Variants in TRRAP observed in about 807,000 individuals in gnomAD.
TRRAP encodes transformation/transcription domain-associated protein.
In TRRAP, 41 loss-of-function variants were observed where a neutral mutation model predicts 438.8. The observed-to-expected ratio is 0.09, with a 90% CI of 0.07 to 0.12. The LOEUF is 0.12. TRRAP is among the 10% of genes least tolerant of loss of function. The pLI, the probability that TRRAP is intolerant of heterozygous loss-of-function variation, is 1.00. For synonymous variants in TRRAP, 1,994 were observed against 1,962.9 expected, an observed-to-expected ratio of 1.02 and a Z score of -0.42; for missense variants, 3,122 against 5,055.1, an observed-to-expected ratio of 0.62 and a Z score of 11.60.
chr7:98,994,833 G>A lies in TRRAP; in HGVS notation c.10294G>A (p.Gly3432Ser). 1 of 1,612,682 alleles carries A rather than the reference G, an allele frequency of 6.2e-7. No individual in the cohort carries two copies. ...AQDPVFQKLK[G>S]QFTTDFDFSV... ...AGACCCTGTCTTTCAGAAGCTGAAA[G>A]GCCAGTTCACGACGGGTGAGTCTCC... The change falls in exon 67 of 73, where the codon GGC becomes AGC. Residue 3432 changes from glycine (G) to serine (S), a missense_variant. This residue lies in a region of TRRAP where 107 missense variants were observed against 327.5 expected (regional missense o/e 0.33). Coordinates refer to ENST00000456197, the MANE Select transcript of TRRAP (RefSeq NM_001375524.1). The surrounding 1 kb of genome is among the most constrained non-coding windows in gnomAD (Gnocchi z 4.8).
chr7:98,988,150 T>A lies in TRRAP; in HGVS notation c.9390-615T>A, dbSNP rs114522476. 9.3e-3 allele frequency among the ~76,000 whole-genome samples: 1,418 copies of A among 152,300 alleles called. 18 individuals carry two copies. Among genetic ancestry groups the A allele is most frequent in the Middle Eastern group, 0.024 (7 of 294 alleles). ...ATCATAAAGCACCTGGGTCTGAAGT[T>A]CCCTTGCTATGTCTGGTACATTGCT... On this transcript the variant is annotated intron_variant, in intron 62 of 72. Coordinates refer to ENST00000456197, the MANE Select transcript of TRRAP (RefSeq NM_001375524.1).
chr7:98,999,516 G>T, intron 67 of TRRAP: 1 of 733,808 alleles, frequency 1.4e-6, no homozygotes, highest in South Asian at 1.5e-5. Flanking sequence ...AGACAATATT[G>T]GGGTGCACCA....
At chr7:98,990,372 G>A (rs1005309661) in intron 63 of TRRAP, 83 bp from the exon 64 acceptor site, 28 of 1,516,302 alleles carry the variant, frequency 1.8e-5, no homozygotes, top group East Asian at 4.5e-5. Flanking sequence ...GCTCTATACA[G>A]TGTTGTAATG....
chr7:98,908,824 G>A lies in TRRAP; in HGVS notation c.1212G>A (p.Lys404=). 1 of 1,612,188 alleles carries A rather than the reference G, an allele frequency of 6.2e-7. No homozygotes were observed. Among genetic ancestry groups the A allele is most frequent in the Non-Finnish European group, 8.5e-7 (1 of 1,179,248 alleles). ...CCCTCGCCGTCCAGCTCTTCGCCAA[G>A]AACATCGACGATGAGTCCCTGCCCA... ...DLSLAVQLFA[K]NIDDESLPSS... Residue 404 remains lysine, a synonymous_variant, in exon 14 of 73, where the codon AAG becomes AAA. Coordinates refer to ENST00000456197, the MANE Select transcript of TRRAP (RefSeq NM_001375524.1). The surrounding 1 kb of genome is among the most constrained non-coding windows in gnomAD (Gnocchi z 4.1).
At chr7:99,004,064 AC>A in intron 67 of TRRAP, 125 bp from the exon 68 acceptor site, 1 of 971,818 alleles carries the variant, frequency 1.0e-6, no homozygotes, top group South Asian at 1.7e-5. Context: ...CAAGAGTGAA[AC>A]TTCATCTCAA....
intron 11 of TRRAP, 98 bp from the exon 12 acceptor site, chr7:98,903,281 C>CA: frequency 6.6e-7 from 1 of 1,513,586 alleles, no homozygotes; most frequent in Non-Finnish European, 8.9e-7. Context: ...CTCGGCCTCC[C>CA]AAAGGTCTTA....
Position 99,008,569 on chromosome 7 carries a change from T to TGGGGC in TRRAP, c.10938+9_10938+13dup. 1 of 1,612,608 alleles carries TGGGGC rather than the reference T, an allele frequency of 6.2e-7. No homozygotes were observed. Among genetic ancestry groups the TGGGGC allele is most frequent in the Non-Finnish European group, 8.5e-7 (1 of 1,179,658 alleles). On this transcript the variant is annotated intron_variant, in intron 70 of 72. Coordinates refer to ENST00000456197, the MANE Select transcript of TRRAP (RefSeq NM_001375524.1). ...ACCCAAGCCAGCCACCAGGTAGCAGTGGGGCCGGGCCGGGGGCCGAGCTGC... is the reference window on the plus strand; with the variant it reads ...ACCCAAGCCAGCCACCAGGTAGCAGTGGGGCGGGGCCGGGCCGGGGGCCGAGCTGC...
chr7:98,954,068 A>G (rs1373429588), intron 40 of TRRAP, among the ~76,000 whole-genome samples: 2 of 152,242 alleles, frequency 1.3e-5, no homozygotes, highest in Non-Finnish European at 2.9e-5. Context: ...GCCAAAGACA[A>G]TAGGTACTTT....
Position 98,994,725 on chromosome 7 carries a change from C to G in TRRAP, c.10186C>G (p.Leu3396Val). The change falls in exon 67 of 73, where the codon CTG becomes GTG. Residue 3396 changes from leucine to valine, a missense_variant. Physicochemically the swap from Leu to Val is conservative, Grantham distance 32. Transcript: ENST00000456197. This position sits in a 1 kb window ranked among gnomAD's most constrained non-coding sequence, Gnocchi z 4.8. Reference sequence around the variant, plus strand: ...GTTGGTGAGCACGTTTGGGGTGGGCCTGGAGAATGTGTCCAACGTCTCGAC... The same window carrying G: ...GTTGGTGAGCACGTTTGGGGTGGGCGTGGAGAATGTGTCCAACGTCTCGAC... Reference protein sequence around the residue: ...KKLVSTFGVGLENVSNVSTMF... With the variant: ...KKLVSTFGVGVENVSNVSTMF... 1 of 1,614,236 alleles carries G rather than the reference C, an allele frequency of 6.2e-7. No homozygotes were observed. Among genetic ancestry groups the G allele is most frequent in the Non-Finnish European group, 8.5e-7 (1 of 1,180,050 alleles).
intron 45 of TRRAP, among the ~76,000 whole-genome samples, chr7:98,960,256 T>C (rs1343976847): frequency 1.3e-5 from 2 of 152,232 alleles, no homozygotes; most frequent in African/African-American, 4.8e-5. Context: ...TTTTGGTGGC[T>C]GTTTTTTTGC....
chr7:98,990,705 G>A (rs941003084), intron 64 of TRRAP, 86 bp downstream of exon 64: 1 of 1,465,980 alleles, frequency 6.8e-7, no homozygotes, highest in Admixed American at 2.2e-5. Flanking sequence ...AAGTAAATTT[G>A]AGTGTTCAAA....
At chr7:99,000,817 C>T (rs1201704996) in intron 67 of TRRAP, among the ~76,000 whole-genome samples, 1 of 152,222 alleles carries the variant, frequency 6.6e-6, no homozygotes, top group Non-Finnish European at 1.5e-5. Flanking sequence ...GGCACCCTGT[C>T]TCGAGTTTGG....
intron 30 of TRRAP, 115 bp from the exon 31 acceptor site, chr7:98,942,828 AATAATG>A: frequency 1.9e-6 from 2 of 1,049,582 alleles, no homozygotes; most frequent in Non-Finnish European, 2.8e-6. Context: ...GCGCTGTTTT[AATAATG>A]GAAACACTGC....
intron 30 of TRRAP, among the ~76,000 whole-genome samples, chr7:98,941,043 T>C (rs187800083): frequency 1.3e-5 from 2 of 152,336 alleles, no homozygotes; most frequent in Non-Finnish European, 2.9e-5. Flanking sequence ...ATTTAGGTCT[T>C]TGGCCCATTT....
Position 98,908,016 on chromosome 7 carries a change from T to C in TRRAP, c.1116-712T>C, listed in dbSNP as rs79619916. On this transcript the variant is annotated intron_variant, in intron 13 of 72. Transcript: ENST00000456197. This position sits in a 1 kb window ranked among gnomAD's most constrained non-coding sequence, Gnocchi z 4.1. Reference sequence around the variant, plus strand: ...CTTTATCTTTCCTGTTTCTTCCATCTGGAAATTTCCCTGGATTTTTGCCTT... The same window carrying C: ...CTTTATCTTTCCTGTTTCTTCCATCCGGAAATTTCCCTGGATTTTTGCCTT... 7.7e-3 allele frequency among the ~76,000 whole-genome samples: 1,172 copies of C among 152,366 alleles called. 33 individuals are homozygous for C. The East Asian group carries it at 0.091, about 12-fold the overall frequency.
chr7:98,887,729 CAAAAA>C (rs34834746), intron 3 of TRRAP, among the ~76,000 whole-genome samples: 4 of 88,664 alleles, frequency 4.5e-5, no homozygotes, highest in South Asian at 4.7e-4. Flanking sequence ...AACTCCGTCT[CAAAAA>C]AAAAAAAAAA....
intron 53 of TRRAP, chr7:98,975,931 C>G (rs1792634366): frequency 1.8e-6 from 1 of 547,546 alleles, no homozygotes; most frequent in Non-Finnish European, 3.1e-6. Flanking sequence ...CTGAGCCTCT[C>G]GGGATGCCTG....
intron 1 of TRRAP, among the ~76,000 whole-genome samples, chr7:98,880,110 C>G (rs566685638): frequency 2.0e-5 from 3 of 152,188 alleles, no homozygotes; most frequent in African/African-American, 7.2e-5. Context: ...TTTCCCGTGC[C>G]CGTCACGTAA....
In TRRAP at chr7:98,976,968, C is replaced by T. The variant is rs757341107; in HGVS notation, c.8277C>T (p.Tyr2759=). The T allele has an allele frequency of 1.9e-6, 3 of 1,614,184 alleles. No homozygotes were observed. The highest frequency in any genetic ancestry group is 2.5e-6 in the Non-Finnish European group (3 of 1,180,040). Reference sequence around the variant, plus strand: ...TACTGGATTCCCTTGCGGAGCTTTACTCCCTGTTACAAGAGGAAGATATGT... The same window carrying T: ...TACTGGATTCCCTTGCGGAGCTTTATTCCCTGTTACAAGAGGAAGATATGT... ...QEILDSLAEL[Y]SLLQEEDMWA... is the part of the protein sequence containing the mutation. The change falls in exon 56 of 73, where the codon TAC becomes TAT. Residue 2759 remains tyrosine (Y), a synonymous_variant. Coordinates refer to ENST00000456197, the MANE Select transcript of TRRAP (RefSeq NM_001375524.1). The surrounding 1 kb of genome is among the most constrained non-coding windows in gnomAD (Gnocchi z 4.6).
Sources: gnomAD v4.1 joint callset for allele counts (sites outside exome capture counted in the v4.1 genomes callset) on GRCh38, gnomAD v4.1.1 for gene constraint, gnomAD v4.1.1 regional missense constraint, Gnocchi (gnomAD v3.1) non-coding constraint, MANE v1.5 for transcripts, NCBI Gene and HGNC (gene_info 2026-07-23, HGNC 2026-07-21) for gene names.